TMOD2: variants seen among roughly 807,000 people sequenced by gnomAD.
The protein encoded by TMOD2 is tropomodulin-2.
A neutral mutation model predicts 39.9 loss-of-function variants in TMOD2; 22 were observed. The observed-to-expected ratio is 0.55, with a 90% CI of 0.39 to 0.79. The LOEUF is 0.79. Ranked by LOEUF, TMOD2 falls within the 30% of genes least tolerant of loss-of-function variation. The pLI is 0.00. For missense variants in TMOD2, 386 were observed against 413.3 expected, an observed-to-expected ratio of 0.93 and a Z score of 0.57; for synonymous variants, 123 against 146.1, an observed-to-expected ratio of 0.84 and a Z score of 1.14.
In TMOD2 at chr15:51,809,783, G is replaced by A. The variant is rs1452041020; in HGVS notation, c.*1329G>A. On this transcript the variant is annotated 3_prime_UTR_variant, in exon 10 of 10. Transcript: ENST00000249700. Reference sequence around the variant, plus strand: ...TTGTCTTTTTTTTCCTCTTTTCTCTGTAATTTGTTACTAAACAAATTCCAG... The same window carrying A: ...TTGTCTTTTTTTTCCTCTTTTCTCTATAATTTGTTACTAAACAAATTCCAG... 6.6e-6 allele frequency: 1 copy of A among 151,706 alleles called. No homozygotes were observed. Among genetic ancestry groups the A allele is most frequent in the Non-Finnish European group, 1.5e-5 (1 of 67,942 alleles). The allele number at this position is 151,706 out of a possible 1,614,324, so 9.4% of individuals were successfully genotyped here.
intron 7 of TMOD2, among the ~76,000 whole-genome samples, chr15:51,789,832 C>T (rs2055997694): frequency 6.6e-6 from 1 of 152,182 alleles, no homozygotes. Context: ...ACACAGCGTA[C>T]CAGAATCTCT....
chr15:51,796,413 C>T (rs941050744), intron 7 of TMOD2, among the ~76,000 whole-genome samples: 32 of 152,058 alleles, frequency 2.1e-4, no homozygotes, highest in African/African-American at 7.7e-4. Flanking sequence ...ACCTTCTCTG[C>T]AGTGTGTGTA....
At chr15:51,801,536 A>G (rs906382872) in intron 8 of TMOD2, among the ~76,000 whole-genome samples, 2 of 152,180 alleles carry the variant, frequency 1.3e-5, no homozygotes, top group Non-Finnish European at 2.9e-5. Context: ...CCAATTTAAC[A>G]GCACAGCAAT....
intron 7 of TMOD2, among the ~76,000 whole-genome samples, chr15:51,786,656 T>C (rs984863388): frequency 2.6e-5 from 4 of 152,192 alleles, no homozygotes; most frequent in African/African-American, 9.7e-5. Context: ...TCACCTGTGA[T>C]TGAGTTTAGT....
At chr15:51,775,221 C>A (rs927179753) in intron 4 of TMOD2, among the ~76,000 whole-genome samples, 6 of 152,160 alleles carry the variant, frequency 3.9e-5, no homozygotes, top group Admixed American at 1.3e-4. Context: ...AGTTGACCTG[C>A]AAAACAGCAC....
At chr15:51,806,600 A>C in intron 9 of TMOD2, 79 bp downstream of exon 9, 237 of 1,506,254 alleles carry the variant, frequency 1.6e-4, no homozygotes, top group Non-Finnish European at 2.0e-4. Context: ...GCAGCATCTC[A>C]CAGATACCAT....
chr15:51,755,476 G>C (rs2055735582), intron 1 of TMOD2, among the ~76,000 whole-genome samples: 1 of 152,230 alleles, frequency 6.6e-6, no homozygotes. Flanking sequence ...CTCCAGGACT[G>C]TGAGTGGCAG....
chr15:51,799,025 C>A (rs1264595199), intron 8 of TMOD2, among the ~76,000 whole-genome samples: 1 of 152,196 alleles, frequency 6.6e-6, no homozygotes, highest in Non-Finnish European at 1.5e-5. Context: ...TGCCTGGCGA[C>A]CTCTTTTTCC....
chr15:51,795,610 C>CTTTCTTTCTTTCTTTCTTTCT (rs2056045569), intron 7 of TMOD2, among the ~76,000 whole-genome samples: 2 of 122,668 alleles, frequency 1.6e-5, no homozygotes, highest in African/African-American at 5.9e-5. Context: ...TTCTTTCTTT[C>CTTTCTTTCTTTCTTTCTTTCT]TTTCTTTCTT....
At chr15:51,764,085 T>A (rs1163382460) in intron 1 of TMOD2, among the ~76,000 whole-genome samples, 3 of 148,174 alleles carry the variant, frequency 2.0e-5, no homozygotes, top group Non-Finnish European at 4.5e-5. Context: ...ATTAAAGATT[T>A]AAAAAAAAAA....
intron 1 of TMOD2, among the ~76,000 whole-genome samples, chr15:51,760,250 C>A (rs1039847811): frequency 5.3e-5 from 8 of 152,240 alleles, no homozygotes; most frequent in African/African-American, 1.7e-4. Flanking sequence ...AGTTAGAAGT[C>A]TGAAACACAT....
At chr15:51,798,393 G>A (rs930744361) in intron 8 of TMOD2, 53 bp downstream of exon 8, 44 of 1,582,822 alleles carry the variant, frequency 2.8e-5, no homozygotes, top group African/African-American at 8.2e-5. Flanking sequence ...TGCAGTGAGC[G>A]GGGGAAATGC....
chr15:51,786,434 T>C (rs1318978917), intron 7 of TMOD2, among the ~76,000 whole-genome samples: 6 of 152,238 alleles, frequency 3.9e-5, no homozygotes, highest in Admixed American at 3.9e-4. Flanking sequence ...ATTATTATTC[T>C]GATATATTTT....
At chr15:51,800,544 A>C (rs375830583) in intron 8 of TMOD2, among the ~76,000 whole-genome samples, 3 of 152,294 alleles carry the variant, frequency 2.0e-5, no homozygotes, top group East Asian at 3.9e-4. Context: ...TCAAAAAAAA[A>C]ACAAAACCCT....
At chr15:51,806,116 C>T (rs1423254530) in intron 8 of TMOD2, among the ~76,000 whole-genome samples, 1 of 152,174 alleles carries the variant, frequency 6.6e-6, no homozygotes, top group African/African-American at 2.4e-5. Flanking sequence ...TCCTTTCCTT[C>T]ATAAACAATT....
chr15:51,803,816 T>C (rs1229900268), intron 8 of TMOD2, among the ~76,000 whole-genome samples: 1 of 152,188 alleles, frequency 6.6e-6, no homozygotes, highest in Non-Finnish European at 1.5e-5. Context: ...CATGGATTGG[T>C]AGTTCCTGAG....
chr15:51,785,583 T>C (rs1459590125), intron 7 of TMOD2, among the ~76,000 whole-genome samples: 1 of 151,360 alleles, frequency 6.6e-6, no homozygotes, highest in Non-Finnish European at 1.5e-5. Flanking sequence ...AAAAAATAAA[T>C]ATAGCATGTT....
intron 1 of TMOD2, chr15:51,752,666 C>A (rs1316826309): frequency 6.6e-6 from 1 of 152,214 alleles, no homozygotes; most frequent in Non-Finnish European, 1.5e-5. Flanking sequence ...ATTTGTAAAC[C>A]TCTGTTCTTC....
At chr15:51,784,692 G>A (rs2055956485) in intron 7 of TMOD2, 1 of 152,198 alleles carries the variant, frequency 6.6e-6, no homozygotes, top group Admixed American at 6.5e-5. Flanking sequence ...AATTGGTAAG[G>A]TGAAATGAGC....
Sources: gnomAD v4.1 joint callset for allele counts (sites outside exome capture counted in the v4.1 genomes callset) on GRCh38, gnomAD v4.1.1 for gene constraint, MANE v1.5 for transcripts, NCBI Gene and HGNC (gene_info 2026-07-23, HGNC 2026-07-21) for gene names.